The following FOXN3 variants were observed in gnomAD, a reference collection of about 807,000 sequenced individuals.
The protein encoded by FOXN3 is forkhead box protein N3.
A neutral mutation model predicts 38.4 loss-of-function variants in FOXN3; 7 were observed. That is an observed-to-expected ratio of 0.18 (90% CI 0.10 to 0.34). FOXN3 has a LOEUF of 0.34. Among genes scored for constraint, FOXN3 ranks in the 10% least tolerant of loss-of-function variants. FOXN3 has a pLI of 1.00. For synonymous variants in FOXN3, 230 were observed against 242.2 expected (o/e 0.95, Z 0.47); for missense variants, 456 against 613.4 (o/e 0.74, Z 2.71).
At chr14:89,373,407 A>C (rs1037757832) in intron 2 of FOXN3, among the ~76,000 whole-genome samples, 1 of 141,486 alleles carries the variant, frequency 7.1e-6, no homozygotes, top group African/African-American at 2.6e-5. Context: ...ATAGCATTTC[A>C]GAGGAAGTAT....
intron 3 of FOXN3, among the ~76,000 whole-genome samples, chr14:89,300,653 C>T (rs891274638): frequency 5.3e-5 from 8 of 152,130 alleles, no homozygotes; most frequent in African/African-American, 1.9e-4. Flanking sequence ...TAGTCCACCA[C>T]GAAGATGAGA....
intron 3 of FOXN3, among the ~76,000 whole-genome samples, chr14:89,313,898 T>C (rs760606926): frequency 2.0e-5 from 3 of 152,192 alleles, no homozygotes; most frequent in Non-Finnish European, 2.9e-5. Context: ...GGACAAACAC[T>C]ATATTATTCC....
At chr14:89,385,988 T>C (rs564711271) in intron 2 of FOXN3, among the ~76,000 whole-genome samples, 20 of 152,336 alleles carry the variant, frequency 1.3e-4, no homozygotes, top group Admixed American at 1.3e-3. Context: ...ATAAAAGAAT[T>C]GCAGATTCAG....
chr14:89,357,047 G>A (rs1468119179), intron 2 of FOXN3, among the ~76,000 whole-genome samples: 3 of 152,096 alleles, frequency 2.0e-5, no homozygotes, highest in African/African-American at 4.8e-5. Flanking sequence ...GGAGAAAGGA[G>A]GACAGCTCCC....
At chr14:89,561,298 C>T (rs1566700563) in intron 1 of FOXN3, among the ~76,000 whole-genome samples, 1 of 152,212 alleles carries the variant, frequency 6.6e-6, no homozygotes, top group Non-Finnish European at 1.5e-5. Flanking sequence ...CTGAAAACTC[C>T]ACCTCCCAGG....
intron 1 of FOXN3, among the ~76,000 whole-genome samples, chr14:89,585,757 G>GAAA (rs34382325): frequency 2.9e-5 from 4 of 136,846 alleles, no homozygotes; most frequent in Admixed American, 1.4e-4. Flanking sequence ...CACTTGACTA[G>GAAA]AAAAAAAAAA....
intron 2 of FOXN3, among the ~76,000 whole-genome samples, chr14:89,392,807 ATT>A (rs35499441): frequency 1.0e-4 from 14 of 133,860 alleles, no homozygotes; most frequent in African/African-American, 1.4e-4. Flanking sequence ...CGCCCAGCTA[ATT>A]TTTTTTTTTT....
intron 1 of FOXN3, among the ~76,000 whole-genome samples, chr14:89,495,503 T>A (rs1327402761): frequency 6.6e-6 from 1 of 152,136 alleles, no homozygotes; most frequent in African/African-American, 2.4e-5. Context: ...TTAAAAGCAA[T>A]CTCAAAAAGA....
chr14:89,553,980 C>A lies in FOXN3; in HGVS notation c.-15+65048G>T, dbSNP rs143376308. ...AAAAAAAGATACTAATTCCACTAAA[C>A]GTGACTTTCTTCTTCGTTTTTTTTG... is the stretch of plus-strand genomic sequence containing the variant. On this transcript the variant is annotated intron_variant, in intron 1 of 6. Coordinates refer to the FOXN3 transcript ENST00000345097. 4.9e-3 allele frequency among the ~76,000 whole-genome samples: 745 copies of A among 152,098 alleles called. 7 individuals carry two copies. Among genetic ancestry groups the A allele is most frequent in the African/African-American group, 0.017 (703 of 41,484 alleles).
intron 1 of FOXN3, among the ~76,000 whole-genome samples, chr14:89,529,192 G>T (rs950377273): frequency 6.6e-6 from 1 of 151,944 alleles, no homozygotes; most frequent in South Asian, 2.1e-4. Flanking sequence ...ATACATAGGT[G>T]GTTCCTTCCT....
intron 1 of FOXN3, among the ~76,000 whole-genome samples, chr14:89,573,046 A>C (rs1375088434): frequency 6.6e-6 from 1 of 151,896 alleles, no homozygotes; most frequent in Non-Finnish European, 1.5e-5. Flanking sequence ...TGGGGAGTTC[A>C]CCTCTCCCTA....
chr14:89,250,207 C>T (rs114054509), intron 4 of FOXN3, among the ~76,000 whole-genome samples: 4 of 152,172 alleles, frequency 2.6e-5, no homozygotes. Context: ...ACTTCCTGGG[C>T]TCAACGGATC....
chr14:89,391,090 G>A (rs905188662), intron 2 of FOXN3, among the ~76,000 whole-genome samples: 1 of 152,094 alleles, frequency 6.6e-6, no homozygotes, highest in African/African-American at 2.4e-5. Context: ...GTGGTCTTCC[G>A]AGGCCAATTA....
chr14:89,469,588 A>G (rs1255539457), intron 1 of FOXN3, among the ~76,000 whole-genome samples: 1 of 152,182 alleles, frequency 6.6e-6, no homozygotes, highest in African/African-American at 2.4e-5. Flanking sequence ...GTGGACCTGG[A>G]CTTCTTTAAC....
At chr14:89,559,628 A>T (rs1340091022) in intron 1 of FOXN3, among the ~76,000 whole-genome samples, 1 of 152,136 alleles carries the variant, frequency 6.6e-6, no homozygotes, top group East Asian at 1.9e-4. Flanking sequence ...GTGAGCCAAG[A>T]TTGCGCCACT....
intron 1 of FOXN3, among the ~76,000 whole-genome samples, chr14:89,593,923 G>A (rs1365435664): frequency 6.6e-6 from 1 of 152,164 alleles, no homozygotes; most frequent in African/African-American, 2.4e-5. Context: ...GTTTCATCAC[G>A]TCTATTTTTT....
chr14:89,546,329 C>CTTTCTTTTTTTTTTT (rs1555359724), intron 1 of FOXN3, among the ~76,000 whole-genome samples: 2 of 78,314 alleles, frequency 2.6e-5, no homozygotes, highest in African/African-American at 1.1e-4. Context: ...TTTCCTTTTT[C>CTTTCTTTTTTTTTTT]TTTTTTTTTT....
rs1371600992 is a variant in FOXN3 at position 89,167,536 on chromosome 14, A to C, written c.852-4567T>G. ...GATTGTAGAAGCAGGGGACTGGAGC[A>C]AGTTCAAAGCTTCTTTTGAAAATCA... On this transcript the variant is annotated intron_variant, in intron 5 of 5. Transcript: ENST00000557258. Among the ~76,000 whole-genome samples, 4 of 152,232 alleles carry C rather than the reference A, an allele frequency of 2.6e-5. No homozygotes were observed. The East Asian group carries it at 7.7e-4, about 29-fold the overall frequency.
intron 3 of FOXN3, among the ~76,000 whole-genome samples, chr14:89,343,418 T>C (rs1029074498): frequency 2.6e-5 from 4 of 152,056 alleles, no homozygotes; most frequent in East Asian, 3.9e-4. Flanking sequence ...CTTTGTTAAT[T>C]TGAATATACA....
Sources: allele counts gnomAD v4.1 joint callset (sites outside exome capture counted in the v4.1 genomes callset), GRCh38; gene constraint gnomAD v4.1.1; transcripts MANE v1.5; gene names NCBI Gene and HGNC (gene_info 2026-07-23, HGNC 2026-07-21).